VIPAS39: variants seen among roughly 807,000 people sequenced by gnomAD.
The protein encoded by VIPAS39 is spermatogenesis-defective protein 39 homolog.
A neutral mutation model predicts 84.7 loss-of-function variants in VIPAS39; 63 were observed. The ratio of observed to expected loss-of-function variants is 0.74; its 90% CI spans 0.61 to 0.92. The LOEUF (loss-of-function observed/expected upper bound fraction) is 0.92, where lower values mean the gene tolerates loss of function less well. Ranked by LOEUF, VIPAS39 falls within the 40% of genes least tolerant of loss-of-function variation. VIPAS39 has a pLI of 0.00. For synonymous variants in VIPAS39, 192 were observed against 216.5 expected (o/e 0.89, Z 0.99); for missense variants, 499 against 604.5 (o/e 0.83, Z 1.83).
At chr14:77,444,642 G>A (rs557313895) in intron 7 of VIPAS39, among the ~76,000 whole-genome samples, 2 of 152,044 alleles carry the variant, frequency 1.3e-5, no homozygotes, top group Admixed American at 6.6e-5. Flanking sequence ...GCTCAATCTC[G>A]GCTCACTGCA....
At chr14:77,444,814 C>T (rs528374516) in intron 7 of VIPAS39, among the ~76,000 whole-genome samples, 1 of 152,106 alleles carries the variant, frequency 6.6e-6, no homozygotes, top group East Asian at 1.9e-4. Flanking sequence ...GATCTCCTGA[C>T]CTCGTCATCC....
At chr14:77,453,539 C>T in intron 2 of VIPAS39, 138 bp from the exon 3 acceptor site, 1 of 824,918 alleles carries the variant, frequency 1.2e-6, no homozygotes, top group East Asian at 2.4e-5. Flanking sequence ...TAGCATACTA[C>T]ATATTTGCCA....
chr14:77,434,723 T>C (rs1396464517), intron 14 of VIPAS39, among the ~76,000 whole-genome samples: 1 of 150,680 alleles, frequency 6.6e-6, no homozygotes, highest in East Asian at 1.9e-4. Flanking sequence ...AAACCCTGTC[T>C]CTACTAAAAA....
intron 19 of VIPAS39, 44 bp downstream of exon 19, chr14:77,428,322 ACTGT>A (rs766517989): frequency 5.8e-6 from 9 of 1,549,998 alleles, no homozygotes; most frequent in Middle Eastern, 1.7e-4. Context: ...TATTTTGTGA[ACTGT>A]CTGTCTCCTG....
At chr14:77,452,836 T>C (rs1226329570) in intron 3 of VIPAS39, among the ~76,000 whole-genome samples, 1 of 150,270 alleles carries the variant, frequency 6.7e-6, no homozygotes, top group African/African-American at 2.4e-5. Context: ...AGTGGTATCA[T>C]ATACAGCTAA....
At position 77,429,432 on chromosome 14, in the gene VIPAS39, A is replaced by C. The variant is rs77056620; in HGVS notation, c.1266+249T>G. On this transcript the variant is annotated intron_variant, in intron 17 of 19. Transcript: ENST00000557658. ...TCTCCTTTTCTATCATTTGAACAGT[A>C]CATCAGTATTCCACTTGGGCTAACA... is the stretch of plus-strand genomic sequence containing the variant. Among the ~76,000 whole-genome samples the C allele has an allele frequency of 4.8e-3, 715 of 149,606 alleles. 3 individuals are homozygous for C. The highest frequency in any genetic ancestry group is 0.017 in the African/African-American group (672 of 39,004).
chr14:77,447,675 A>AG (rs1031765542), intron 7 of VIPAS39, among the ~76,000 whole-genome samples: 5 of 151,888 alleles, frequency 3.3e-5, no homozygotes, highest in East Asian at 1.9e-4. Flanking sequence ...TTTTTTGGGC[A>AG]GGGGGGCGGA....
At chr14:77,438,521 G>A (rs555943972) in intron 11 of VIPAS39, among the ~76,000 whole-genome samples, 22 of 152,206 alleles carry the variant, frequency 1.4e-4, no homozygotes, top group African/African-American at 4.6e-4. Context: ...GAGCCACCAC[G>A]CCCGGCCCAA....
intron 8 of VIPAS39, 121 bp from the exon 9 acceptor site, chr14:77,443,273 A>G: frequency 8.3e-7 from 1 of 1,197,642 alleles, no homozygotes; most frequent in South Asian, 1.3e-5. Context: ...ACAGCTCTGT[A>G]TGTGATGCAA....
At chr14:77,451,062 C>A in intron 4 of VIPAS39, 125 bp downstream of exon 4, 1 of 1,422,194 alleles carries the variant, frequency 7.0e-7, no homozygotes. Flanking sequence ...ACCCAGCTGC[C>A]ACCTCCAATG....
intron 8 of VIPAS39, 145 bp from the exon 9 acceptor site, chr14:77,443,297 C>T (rs781645107): frequency 3.3e-6 from 3 of 913,340 alleles, no homozygotes; most frequent in Non-Finnish European, 3.5e-6. Flanking sequence ...AAGCCAATGG[C>T]TATCTGGAAC....
Position 77,441,066 on chromosome 14 carries a change from C to T in VIPAS39, c.762G>A (p.Ala254=), listed in dbSNP as rs755668380. The stretch of plus-strand genomic sequence containing the variant: ...CAACTGAAACAAAGGCCACACTTAC[C>T]GCAAGCTCTTCTGTTCTATCTAGGA... ...FRFLDRTEEL[A]LSHYREHLNI... Residue 254 remains alanine (A), a splice_region_variant and synonymous_variant, in exon 11 of 20, where the codon GCG becomes GCA. Coordinates refer to ENST00000557658, the MANE Select transcript of VIPAS39 (RefSeq NM_001193315.2). The T allele has an allele frequency of 6.2e-6, 10 of 1,610,340 alleles. No homozygotes were observed. The highest frequency in any genetic ancestry group is 8.5e-6 in the Non-Finnish European group (10 of 1,179,566).
In VIPAS39 at chr14:77,437,899, A is replaced by C. The variant is rs1406825968; in HGVS notation, c.763-18T>G. 1 of 1,613,512 alleles carries C rather than the reference A, an allele frequency of 6.2e-7. No homozygotes were observed. The highest frequency in any genetic ancestry group is 1.1e-5 in the South Asian group (1 of 91,066). On this transcript the variant is annotated intron_variant, in intron 11 of 19. Coordinates refer to ENST00000557658, the MANE Select transcript of VIPAS39 (RefSeq NM_001193315.2). ...TGAGATAGCTACAAAAAGCAGAAAAAGGCTTTGAGGTATTTTGTCTCCTTA... is the reference window on the plus strand; with the variant it reads ...TGAGATAGCTACAAAAAGCAGAAAACGGCTTTGAGGTATTTTGTCTCCTTA...
At chr14:77,451,880 T>C (rs1452954030) in intron 3 of VIPAS39, among the ~76,000 whole-genome samples, 1 of 152,214 alleles carries the variant, frequency 6.6e-6, no homozygotes, top group African/African-American at 2.4e-5. Context: ...CCCTCCTCCA[T>C]TGCTGGTGGT....
chr14:77,435,123 G>A (rs1594897722), intron 14 of VIPAS39, 136 bp downstream of exon 14: 1 of 1,398,210 alleles, frequency 7.2e-7, no homozygotes, highest in African/African-American at 1.4e-5. Context: ...CCCTGGTGAG[G>A]GCCAGGAAAG....
intron 4 of VIPAS39, among the ~76,000 whole-genome samples, chr14:77,450,817 T>G (rs1457029156): frequency 1.3e-5 from 2 of 152,196 alleles, no homozygotes; most frequent in Admixed American, 1.3e-4. Context: ...GCCAGTTATA[T>G]GTTTACTGTT....
At chr14:77,446,754 A>C (rs2078796927) in intron 7 of VIPAS39, among the ~76,000 whole-genome samples, 3 of 152,256 alleles carry the variant, frequency 2.0e-5, no homozygotes, top group South Asian at 2.1e-4. Flanking sequence ...AAATAATCCA[A>C]TGAACTAGAA....
chr14:77,456,924 T>C (rs1301740968), intron 1 of VIPAS39, among the ~76,000 whole-genome samples: 2 of 152,174 alleles, frequency 1.3e-5, no homozygotes, highest in East Asian at 1.9e-4. Flanking sequence ...TGCTTCAACA[T>C]GATTTAAAAT....
chr14:77,454,394 G>C (rs1422240250), intron 1 of VIPAS39, among the ~76,000 whole-genome samples: 1 of 152,164 alleles, frequency 6.6e-6, no homozygotes, highest in East Asian at 1.9e-4. Context: ...AGTGCCAGAG[G>C]CTGGGTGCAG....
Sources: allele counts gnomAD v4.1 joint callset (sites outside exome capture counted in the v4.1 genomes callset), GRCh38; gene constraint gnomAD v4.1.1; transcripts MANE v1.5; gene names NCBI Gene and HGNC (gene_info 2026-07-23, HGNC 2026-07-21).